Variants in SGCZ observed in about 807,000 individuals in gnomAD.
SGCZ encodes sarcoglycan zeta.
SGCZ carries 40 observed loss-of-function variants against 41.3 expected under a neutral mutation model. The observed-to-expected ratio is 0.97, with a 90% CI of 0.75 to 1.26. SGCZ has a LOEUF of 1.26. SGCZ is among the 50% of genes most tolerant of loss of function. SGCZ has a pLI of 0.00. For synonymous variants in SGCZ, 206 were observed against 137.5 expected (o/e 1.50, Z -3.49); for missense variants, 552 against 369.8 (o/e 1.49, Z -4.04).
At chr8:15,020,622 G>C (rs1455918927) in intron 1 of SGCZ, among the ~76,000 whole-genome samples, 1 of 152,138 alleles carries the variant, frequency 6.6e-6, no homozygotes, top group Non-Finnish European at 1.5e-5. Flanking sequence ...AGTGCAGGAA[G>C]GGACAATATT....
intron 2 of SGCZ, among the ~76,000 whole-genome samples, chr8:14,335,960 GT>G (rs1440148936): frequency 6.6e-6 from 1 of 151,972 alleles, no homozygotes; most frequent in East Asian, 1.9e-4. Flanking sequence ...ACATCTGCAG[GT>G]TTGTTATATA....
rs562076759 is a variant in SGCZ at position 14,817,183 on chromosome 8, T to A, written c.40-262257A>T. Among the ~76,000 whole-genome samples the A allele has an allele frequency of 2.4e-4, 36 of 152,290 alleles. No homozygotes were observed. In the Middle Eastern group the frequency reaches 0.014, roughly 58 times the overall value. Reference sequence around the variant, plus strand: ...TTAAGGGAGACTGCCTCCTTCTGTGTGTCACAGAAGCCCAGGATAACGCCA... The same window carrying A: ...TTAAGGGAGACTGCCTCCTTCTGTGAGTCACAGAAGCCCAGGATAACGCCA... On this transcript the variant is annotated intron_variant, in intron 1 of 7. Transcript: ENST00000382080.
intron 2 of SGCZ, among the ~76,000 whole-genome samples, chr8:14,510,692 C>A (rs923069588): frequency 1.3e-5 from 2 of 152,166 alleles, no homozygotes; most frequent in African/African-American, 2.4e-5. Context: ...ATAAATATTT[C>A]TCCTTGATTG....
chr8:14,275,276 C>T (rs368961971), intron 3 of SGCZ, among the ~76,000 whole-genome samples: 2 of 152,150 alleles, frequency 1.3e-5, no homozygotes, highest in Non-Finnish European at 1.5e-5. Flanking sequence ...CCATTGCCTA[C>T]TCTCTCAGTA....
chr8:15,162,307 C>G (rs1006804898), intron 1 of SGCZ, among the ~76,000 whole-genome samples: 38 of 152,084 alleles, frequency 2.5e-4, no homozygotes, highest in Non-Finnish European at 3.1e-4. Flanking sequence ...AAAAAACGGC[C>G]AAAAGTTCTG....
At chr8:14,365,593 T>C (rs1326890402) in intron 2 of SGCZ, among the ~76,000 whole-genome samples, 1 of 152,158 alleles carries the variant, frequency 6.6e-6, no homozygotes, top group African/African-American at 2.4e-5. Flanking sequence ...CAATTACTAT[T>C]CTCTTGAAAA....
intron 1 of SGCZ, among the ~76,000 whole-genome samples, chr8:15,074,099 G>A (rs1484618433): frequency 1.3e-5 from 2 of 152,096 alleles, no homozygotes; most frequent in Admixed American, 6.5e-5. Flanking sequence ...GTGGCCTAAG[G>A]ACAAAGAAGT....
chr8:14,927,358 C>T (rs1799789423), intron 1 of SGCZ, among the ~76,000 whole-genome samples: 1 of 152,060 alleles, frequency 6.6e-6, no homozygotes, highest in South Asian at 2.1e-4. Flanking sequence ...ATCCGCCCGC[C>T]TCGGCCTCCC....
chr8:14,210,710 G>T (rs547518153), intron 4 of SGCZ, among the ~76,000 whole-genome samples: 1 of 149,788 alleles, frequency 6.7e-6, no homozygotes, highest in East Asian at 2.0e-4. Flanking sequence ...CAGGTGATCC[G>T]CTTGCCTCGG....
rs146560897 is a variant in SGCZ, at chr8:14,150,979, A to G, written c.547+13601T>C. Among the ~76,000 whole-genome samples, 479 of 152,222 alleles carry G rather than the reference A, an allele frequency of 3.1e-3. 1 individual carries two copies. Among genetic ancestry groups the G allele is most frequent in the Non-Finnish European group, 5.3e-3 (363 of 68,000 alleles). ...TTTGTGGGACCTAAAAATCACAACA[A>G]TTGTACTCATGAACATAGTAAAACG... is the stretch of plus-strand genomic sequence containing the variant. On this transcript the variant is annotated intron_variant, in intron 5 of 7. Coordinates refer to ENST00000382080, the MANE Select transcript of SGCZ (RefSeq NM_139167.4).
Position 14,603,786 on chromosome 8 carries a change from T to C in SGCZ, c.40-48860A>G, listed in dbSNP as rs901007613. 4.2e-4 allele frequency among the ~76,000 whole-genome samples: 64 copies of C among 152,176 alleles called. 1 individual carries two copies. Among genetic ancestry groups the C allele is most frequent in the Non-Finnish European group, 1.2e-4 (8 of 68,014 alleles). On this transcript the variant is annotated intron_variant, in intron 1 of 7. Coordinates refer to ENST00000382080, the MANE Select transcript of SGCZ (RefSeq NM_139167.4). ...TCCCAAAAAATTATACCCTGTTACATGATTTAGTTTCCTGAGATCGGGACC... is the reference window on the plus strand; with the variant it reads ...TCCCAAAAAATTATACCCTGTTACACGATTTAGTTTCCTGAGATCGGGACC...
intron 1 of SGCZ, among the ~76,000 whole-genome samples, chr8:14,676,167 C>T (rs901234535): frequency 2.6e-5 from 4 of 152,128 alleles, no homozygotes; most frequent in African/African-American, 9.7e-5. Flanking sequence ...TAATGTTGAA[C>T]CTAGACTACA....
At chr8:14,559,616 TC>T (rs1804147237) in intron 1 of SGCZ, among the ~76,000 whole-genome samples, 1 of 152,084 alleles carries the variant, frequency 6.6e-6, no homozygotes, top group Non-Finnish European at 1.5e-5. Flanking sequence ...TGGTTTTCCA[TC>T]TTTTTGTTTT....
chr8:14,547,712 G>A (rs904481175), intron 2 of SGCZ, among the ~76,000 whole-genome samples: 17 of 152,060 alleles, frequency 1.1e-4, no homozygotes, highest in African/African-American at 3.4e-4. Context: ...ATGAAGCACC[G>A]AAGCCAGAGA....
At chr8:14,558,653 A>T (rs1330177247) in intron 1 of SGCZ, among the ~76,000 whole-genome samples, 1 of 151,260 alleles carries the variant, frequency 6.6e-6, no homozygotes, top group African/African-American at 2.4e-5. Flanking sequence ...TATCACCCTA[A>T]TACCAAAACC....
At chr8:14,852,827 T>C (rs1441368233) in intron 1 of SGCZ, among the ~76,000 whole-genome samples, 1 of 152,204 alleles carries the variant, frequency 6.6e-6, no homozygotes, top group East Asian at 1.9e-4. Context: ...TTTCTCTGCA[T>C]CAAAGTCTTT....
intron 1 of SGCZ, among the ~76,000 whole-genome samples, chr8:15,006,539 C>T (rs548670811): frequency 6.6e-6 from 1 of 152,144 alleles, no homozygotes; most frequent in African/African-American, 2.4e-5. Flanking sequence ...CCATTGTTTA[C>T]CCCACGAAGA....
intron 7 of SGCZ, among the ~76,000 whole-genome samples, chr8:14,091,719 C>T (rs1801694085): frequency 2.0e-5 from 3 of 152,098 alleles, no homozygotes; most frequent in Non-Finnish European, 4.4e-5. Context: ...TTTGTAGGTT[C>T]TGGATATTAA....
chr8:14,951,553 A>C (rs1163511762), intron 1 of SGCZ, among the ~76,000 whole-genome samples: 1 of 152,072 alleles, frequency 6.6e-6, no homozygotes, highest in Non-Finnish European at 1.5e-5. Context: ...ATTATCTGAT[A>C]AAAGTGAGTT....
Sources: gnomAD v4.1 joint callset for allele counts (sites outside exome capture counted in the v4.1 genomes callset) on GRCh38, gnomAD v4.1.1 for gene constraint, MANE v1.5 for transcripts, NCBI Gene and HGNC (gene_info 2026-07-23, HGNC 2026-07-21) for gene names.